Variants in CCDC93 observed in about 807,000 individuals in gnomAD.
The protein encoded by CCDC93 is coiled-coil domain-containing protein 93.
In CCDC93, 61 loss-of-function variants were observed where a neutral mutation model predicts 108.2. The ratio of observed to expected loss-of-function variants is 0.56; its 90% CI spans 0.46 to 0.70. The LOEUF (loss-of-function observed/expected upper bound fraction) is 0.70. Among genes scored for constraint, CCDC93 ranks in the 30% least tolerant of loss-of-function variants. The probability of loss-of-function intolerance (pLI) is 0.00; values close to 1 mark genes in which losing one functional copy is unlikely to be tolerated. For synonymous variants in CCDC93, 276 were observed against 260.4 expected (o/e 1.06, Z -0.58); for missense variants, 685 against 764.2 (o/e 0.90, Z 1.22).
rs1344745184 is a variant in CCDC93 at position 117,916,147 on chromosome 2, A to G, written c.*4196T>C. On this transcript the variant is annotated 3_prime_UTR_variant, in exon 24 of 24. Coordinates refer to ENST00000376300, the MANE Select transcript of CCDC93 (RefSeq NM_019044.5). ...CCCCCATGGAGTGCCTACATGTCAC[A>G]CTCCTGCCACCACCGTATCTAGTGC... 1 of 150,886 alleles carries G rather than the reference A, an allele frequency of 6.6e-6. No homozygotes were observed. Among genetic ancestry groups the G allele is most frequent in the African/African-American group, 2.4e-5 (1 of 41,078 alleles). 9.3% of individuals were successfully genotyped at this position (150,886 alleles called of 1,614,324 possible).
chr2:118,002,424 G>T (rs780553646), intron 3 of CCDC93, among the ~76,000 whole-genome samples: 2 of 152,160 alleles, frequency 1.3e-5, no homozygotes, highest in Non-Finnish European at 2.9e-5. Flanking sequence ...AGTTAAAACA[G>T]CCCCCCAGGG....
At chr2:117,956,773 T>A (rs1679230679) in intron 12 of CCDC93, among the ~76,000 whole-genome samples, 1 of 152,188 alleles carries the variant, frequency 6.6e-6, no homozygotes, top group Non-Finnish European at 1.5e-5. Context: ...TAGAACAAAT[T>A]CTAATAGAAC....
chr2:117,980,953 G>A (rs574948349), intron 7 of CCDC93, among the ~76,000 whole-genome samples: 1 of 152,278 alleles, frequency 6.6e-6, no homozygotes, highest in African/African-American at 2.4e-5. Flanking sequence ...CACTCAAAAT[G>A]TGGCCTTTGT....
chr2:117,924,946 G>A (rs1678024408), intron 23 of CCDC93, among the ~76,000 whole-genome samples: 1 of 152,216 alleles, frequency 6.6e-6, no homozygotes, highest in South Asian at 2.1e-4. Context: ...AACTCTACAA[G>A]CCAGAAGAGA....
chr2:117,928,224 C>T (rs991266310), intron 23 of CCDC93, among the ~76,000 whole-genome samples: 1 of 152,194 alleles, frequency 6.6e-6, no homozygotes, highest in African/African-American at 2.4e-5. Flanking sequence ...GTCTAACACA[C>T]CAACAGCAAT....
chr2:117,950,628 G>A (rs1679021281), intron 13 of CCDC93: 3 of 985,318 alleles, frequency 3.0e-6, no homozygotes, highest in Non-Finnish European at 3.6e-6. Context: ...TGGAATGAAA[G>A]GGTTCAGAGC....
chr2:117,986,966 A>C (rs747145808), intron 6 of CCDC93, among the ~76,000 whole-genome samples: 1 of 151,256 alleles, frequency 6.6e-6, no homozygotes, highest in Non-Finnish European at 1.5e-5. Flanking sequence ...GCTTGAGCTT[A>C]ACTGCTATTG....
At chr2:117,994,317 T>C (rs1680576292) in intron 6 of CCDC93, among the ~76,000 whole-genome samples, 2 of 152,246 alleles carry the variant, frequency 1.3e-5, no homozygotes, top group South Asian at 2.1e-4. Context: ...TGAGGTCATA[T>C]CATTTTTTCT....
At chr2:117,936,603 A>C in intron 21 of CCDC93, 99 bp downstream of exon 21, 1 of 942,482 alleles carries the variant, frequency 1.1e-6, no homozygotes, top group Non-Finnish European at 1.8e-6. Flanking sequence ...TAAGTCTTGC[A>C]TGTACCTTTG....
chr2:117,996,146 T>A lies in CCDC93; in HGVS notation c.462+118A>T, dbSNP rs80304738. 616 of 595,738 alleles carry A rather than the reference T, an allele frequency of 1.0e-3. 6 individuals are homozygous for A. Among genetic ancestry groups the A allele is most frequent in the African/African-American group, 0.01 (562 of 54,376 alleles). 36.9% of individuals were successfully genotyped at this position (595,738 alleles called of 1,614,324 possible). ...TGGCTATGTAAAGAAGCACTAATGA[T>A]GCCAAGTGGGGCTGAGAATGTAGGG... On this transcript the variant is annotated intron_variant, in intron 5 of 23. Transcript: ENST00000376300.
chr2:117,928,561 T>A (rs1678207925), intron 23 of CCDC93, among the ~76,000 whole-genome samples: 1 of 152,172 alleles, frequency 6.6e-6, no homozygotes, highest in South Asian at 2.1e-4. Context: ...CACAATGAGA[T>A]ACCATCTCAC....
At chr2:117,970,887 T>C (rs901864855) in intron 11 of CCDC93, among the ~76,000 whole-genome samples, 1 of 152,182 alleles carries the variant, frequency 6.6e-6, no homozygotes, top group African/African-American at 2.4e-5. Context: ...TACGTAGTTG[T>C]AACACACAGA....
At chr2:117,938,018 G>A (rs1678575739) in intron 20 of CCDC93, among the ~76,000 whole-genome samples, 1 of 152,154 alleles carries the variant, frequency 6.6e-6, no homozygotes, top group Non-Finnish European at 1.5e-5. Flanking sequence ...TTATTAAAGT[G>A]GTAATTAGTG....
intron 11 of CCDC93, among the ~76,000 whole-genome samples, chr2:117,960,229 T>C (rs1679343742): frequency 1.3e-5 from 2 of 152,242 alleles, no homozygotes. Context: ...GCTTTTCTGA[T>C]ACCTGAAACA....
intron 6 of CCDC93, among the ~76,000 whole-genome samples, chr2:117,992,494 T>G (rs935520664): frequency 6.6e-6 from 1 of 152,118 alleles, no homozygotes; most frequent in Non-Finnish European, 1.5e-5. Flanking sequence ...TCTGCCCACC[T>G]CGGCCTCCCA....
At chr2:117,978,719 C>G (rs1413378308) in intron 7 of CCDC93, among the ~76,000 whole-genome samples, 1 of 152,118 alleles carries the variant, frequency 6.6e-6, no homozygotes, top group Non-Finnish European at 1.5e-5. Flanking sequence ...CAAATTGAGC[C>G]AGGCGCGCTG....
intron 11 of CCDC93, among the ~76,000 whole-genome samples, chr2:117,969,055 A>T (rs1196936005): frequency 6.6e-6 from 1 of 152,162 alleles, no homozygotes; most frequent in Non-Finnish European, 1.5e-5. Context: ...CCTTTGTGTA[A>T]CCCCTTTCTT....
At chr2:118,009,447 G>A (rs1046746595) in intron 1 of CCDC93, among the ~76,000 whole-genome samples, 12 of 152,076 alleles carry the variant, frequency 7.9e-5, no homozygotes, top group Admixed American at 6.5e-4. Flanking sequence ...TGGGGGTGCC[G>A]ATCACTTGAG....
intron 11 of CCDC93, among the ~76,000 whole-genome samples, chr2:117,972,369 G>T (rs188799406): frequency 1.2e-4 from 19 of 152,298 alleles, no homozygotes; most frequent in African/African-American, 3.4e-4. Context: ...GGTCAAGAGT[G>T]AGGAAGAAAA....
Sources: allele counts gnomAD v4.1 joint callset (sites outside exome capture counted in the v4.1 genomes callset), GRCh38; gene constraint gnomAD v4.1.1; transcripts MANE v1.5; gene names NCBI Gene and HGNC (gene_info 2026-07-23, HGNC 2026-07-21).